The following WNK2 variants were observed in gnomAD, a reference collection of about 807,000 sequenced individuals.
The protein encoded by WNK2 is serine/threonine-protein kinase WNK2.
In WNK2, 67 loss-of-function variants were observed where a neutral mutation model predicts 192.1. The observed-to-expected ratio is 0.35, with a 90% CI of 0.29 to 0.43. The LOEUF (loss-of-function observed/expected upper bound fraction) is 0.43. Ranked by LOEUF, WNK2 falls within the 20% of genes least tolerant of loss-of-function variation. The pLI is 1.00. For synonymous variants in WNK2, 1,439 were observed against 1,393.9 expected (o/e 1.03, Z -0.72); for missense variants, 2,698 against 3,089.7 (o/e 0.87, Z 3.01).
In WNK2 at chr9:93,239,510, T is replaced by A. The variant is rs1426038929; in HGVS notation, c.1323-247T>A. Among the ~76,000 whole-genome samples the A allele has an allele frequency of 2.6e-5, 4 of 152,266 alleles. No homozygotes were observed. Among genetic ancestry groups the A allele is most frequent in the East Asian group, 3.9e-4 (2 of 5,180 alleles). On this transcript the variant is annotated intron_variant, in intron 6 of 29. Transcript: ENST00000427277. The surrounding 1 kb of genome is among the most constrained non-coding windows in gnomAD (Gnocchi z 4.2). ...CCAAATCCTCTTTTGTATCATTGAA[T>A]CTTTTATGAGCATGTTTTTTTTTTT...
intron 2 of WNK2, among the ~76,000 whole-genome samples, chr9:93,190,129 C>G (rs1221491889): frequency 6.6e-6 from 1 of 152,138 alleles, no homozygotes; most frequent in South Asian, 2.1e-4. Context: ...CCATGCTGAC[C>G]ATGGTTTTGG....
At chr9:93,196,900 T>C (rs1311545809) in intron 2 of WNK2, among the ~76,000 whole-genome samples, 1 of 152,128 alleles carries the variant, frequency 6.6e-6, no homozygotes, top group Non-Finnish European at 1.5e-5. Context: ...TGCCTGGGCC[T>C]GCAGAGAACA....
At chr9:93,230,157 G>A (rs1319213645) in intron 3 of WNK2, among the ~76,000 whole-genome samples, 1 of 152,144 alleles carries the variant, frequency 6.6e-6, no homozygotes, top group Non-Finnish European at 1.5e-5. Context: ...GTGCACAGTG[G>A]GGACTGTGGG....
In WNK2 at chr9:93,257,064, G is replaced by C; in HGVS notation, c.2307G>C (p.Val769=). The change falls in exon 11 of 30, where the codon GTG becomes GTC. Residue 769 remains valine (V), a synonymous_variant. Coordinates refer to ENST00000427277, the MANE Select transcript of WNK2 (RefSeq NM_006648.4). This position sits in a 1 kb window ranked among gnomAD's most constrained non-coding sequence, Gnocchi z 4.7. Reference sequence around the variant, plus strand: ...CGTACCTGGCTCCAGCCTCCCAGGTGGGGGCCCCCGCTCAGCTGAAGCCCC... The same window carrying C: ...CGTACCTGGCTCCAGCCTCCCAGGTCGGGGCCCCCGCTCAGCTGAAGCCCC... ...LPPYLAPASQ[V]GAPAQLKPLQ... is the part of the protein sequence containing the mutation. 1 of 1,605,804 alleles carries C rather than the reference G, an allele frequency of 6.2e-7. No individual in the cohort carries two copies. The highest frequency in any genetic ancestry group is 8.5e-7 in the Non-Finnish European group (1 of 1,178,182).
intron 2 of WNK2, among the ~76,000 whole-genome samples, chr9:93,228,356 C>T (rs1018825569): frequency 1.3e-5 from 2 of 152,186 alleles, no homozygotes; most frequent in African/African-American, 4.8e-5. Flanking sequence ...GTTCTTTGGG[C>T]CTTTCCGGAA....
At chr9:93,214,373 G>A (rs1438334943) in intron 2 of WNK2, among the ~76,000 whole-genome samples, 1 of 151,576 alleles carries the variant, frequency 6.6e-6, no homozygotes, top group East Asian at 1.9e-4. Context: ...GCATGATCTC[G>A]GCTCACAGCA....
intron 12 of WNK2, among the ~76,000 whole-genome samples, chr9:93,261,152 C>T (rs2132936910): frequency 6.6e-6 from 1 of 152,274 alleles, no homozygotes; most frequent in East Asian, 1.9e-4. Context: ...CACTGGCTGC[C>T]AACAGAGGGT....
At chr9:93,290,109 C>T (rs1348342050) in intron 21 of WNK2, 62 bp downstream of exon 21, 53 of 1,434,202 alleles carry the variant, frequency 3.7e-5, no homozygotes, top group Non-Finnish European at 1.9e-5. Flanking sequence ...TGCCCCAGAA[C>T]CTTCTGCATC....
intron 5 of WNK2, among the ~76,000 whole-genome samples, chr9:93,235,835 AC>A (rs1171493088): frequency 3.3e-5 from 5 of 152,328 alleles, no homozygotes; most frequent in Non-Finnish European, 7.4e-5. Flanking sequence ...CTGCAGGTGC[AC>A]CAGGGGCTGT....
At chr9:93,215,251 A>G (rs1835532280) in intron 2 of WNK2, among the ~76,000 whole-genome samples, 1 of 152,008 alleles carries the variant, frequency 6.6e-6, no homozygotes, top group Non-Finnish European at 1.5e-5. Flanking sequence ...AGCTAAGATT[A>G]CAGGTGCTAG....
rs765028592 is a variant in WNK2, at chr9:93,247,766, C to T, written c.1766C>T (p.Pro589Leu). The T allele has an allele frequency of 3.7e-5, 57 of 1,551,370 alleles. No homozygotes were observed. The African/African-American group carries it at 7.2e-4, about 20-fold the overall frequency. ...AQAGQPGPPE[P>L]EEPEADQHLL... ...GCTGGGCAGCCCGGGCCACCAGAGC[C>T]CGAGGAGCCGGAGGCCGACCAGCAC... The change falls in exon 8 of 30, where the codon CCC becomes CTC. Residue 589 changes from proline (P) to leucine (L), a missense_variant. By Grantham distance (98) the Pro-to-Leu change is moderately conservative. This residue lies in a region of WNK2 where 893 missense variants were observed against 909.0 expected (regional missense o/e 0.98). Coordinates refer to ENST00000427277, the MANE Select transcript of WNK2 (RefSeq NM_006648.4). The surrounding 1 kb of genome is among the most constrained non-coding windows in gnomAD (Gnocchi z 5.2).
chr9:93,317,706 CCA>C (rs1451873281), intron 29 of WNK2, 75 bp downstream of exon 29: 5 of 1,547,424 alleles, frequency 3.2e-6, no homozygotes, highest in Admixed American at 3.8e-5. Context: ...GCTCCCAGCT[CCA>C]GTGTCCTGGG....
Position 93,268,670 on chromosome 9 carries a change from T to C in WNK2, c.3957T>C (p.Ala1319=). ...GKRWFIICPV[A]EHPAPEAPES... is the part of the protein sequence containing the mutation. Reference sequence around the variant, plus strand: ...GGTGGTTCATCATCTGTCCGGTGGCTGAGCACCCCGCCCCCGAGGCCCCTG... The same window carrying C: ...GGTGGTTCATCATCTGTCCGGTGGCCGAGCACCCCGCCCCCGAGGCCCCTG... The change falls in exon 19 of 30, where the codon GCT becomes GCC. Residue 1319 remains alanine (A), a synonymous_variant. Coordinates refer to ENST00000427277, the MANE Select transcript of WNK2 (RefSeq NM_006648.4). 6.2e-7 allele frequency: 1 copy of C among 1,613,584 alleles called. No individual in the cohort carries two copies. Among genetic ancestry groups the C allele is most frequent in the Non-Finnish European group, 8.5e-7 (1 of 1,179,812 alleles).
intron 2 of WNK2, among the ~76,000 whole-genome samples, chr9:93,197,625 G>A (rs1473316966): frequency 3.3e-5 from 5 of 152,106 alleles, no homozygotes; most frequent in African/African-American, 1.2e-4. Flanking sequence ...GGGTTCAAGC[G>A]ATTCTCCTGC....
rs61430190 is a variant in WNK2 at position 93,257,560 on chromosome 9, C to T, written c.2382+421C>T. Among the ~76,000 whole-genome samples, 126 of 152,346 alleles carry T rather than the reference C, an allele frequency of 8.3e-4. No individual in the cohort carries two copies. Among genetic ancestry groups the T allele is most frequent in the African/African-American group, 2.9e-3 (120 of 41,578 alleles). The stretch of plus-strand genomic sequence containing the variant: ...CTCAGCTTACCCATGTGCCCAGGCT[C>T]ATCCAGGATAGGAAAAGGTTTGTTA... On this transcript the variant is annotated intron_variant, in intron 11 of 29. Transcript: ENST00000427277. This position sits in a 1 kb window ranked among gnomAD's most constrained non-coding sequence, Gnocchi z 4.7.
intron 7 of WNK2, among the ~76,000 whole-genome samples, chr9:93,242,179 C>G (rs957379114): frequency 1.3e-5 from 2 of 152,160 alleles, no homozygotes; most frequent in Non-Finnish European, 2.9e-5. Flanking sequence ...GGCTACAGCT[C>G]CCACTGTGGG....
At chr9:93,306,690 C>CAA in intron 26 of WNK2, 87 bp from the exon 27 acceptor site, 1 of 1,539,830 alleles carries the variant, frequency 6.5e-7, no homozygotes, top group Non-Finnish European at 9.0e-7. Flanking sequence ...TGCACACTGA[C>CAA]GACTTTTGCT....
chr9:93,308,985 A>C, intron 28 of WNK2: 1 of 1,030,106 alleles, frequency 9.7e-7, no homozygotes, highest in Non-Finnish European at 1.2e-6. Context: ...CATGTCACCC[A>C]AGTGACACCA....
chr9:93,261,485 G>A (rs1420032351), intron 12 of WNK2, among the ~76,000 whole-genome samples: 1 of 152,232 alleles, frequency 6.6e-6, no homozygotes, highest in Non-Finnish European at 1.5e-5. Flanking sequence ...AGGCCCCAGT[G>A]GGTGGTGGGG....
Sources: allele counts gnomAD v4.1 joint callset (sites outside exome capture counted in the v4.1 genomes callset), GRCh38; gene constraint gnomAD v4.1.1; regional missense constraint gnomAD v4.1.1; non-coding constraint Gnocchi (gnomAD v3.1); transcripts MANE v1.5; gene names NCBI Gene and HGNC (gene_info 2026-07-23, HGNC 2026-07-21).